The following ATP8B4 variants were observed in gnomAD, a reference collection of about 807,000 sequenced individuals.
The protein encoded by ATP8B4 is probable phospholipid-transporting ATPase IM.
In ATP8B4, 133 loss-of-function variants were observed where a neutral mutation model predicts 145.6. The observed-to-expected ratio is 0.91, with a 90% CI of 0.79 to 1.05. The LOEUF is 1.05. Among genes scored for constraint, ATP8B4 ranks in the 50% least tolerant of loss-of-function variants. The pLI, the probability that ATP8B4 is intolerant of heterozygous loss-of-function variation, is 0.00. For missense variants in ATP8B4, 1,458 were observed against 1,425.2 expected (o/e 1.02, Z -0.37); for synonymous variants, 507 against 492.9 (o/e 1.03, Z -0.38).
At chr15:50,135,345 T>C (rs969960925) in intron 1 of ATP8B4, among the ~76,000 whole-genome samples, 1 of 152,190 alleles carries the variant, frequency 6.6e-6, no homozygotes, top group African/African-American at 2.4e-5. Flanking sequence ...TTTTTCCATA[T>C]TGCTCTCAAT....
chr15:49,906,203 T>A (rs1197141104), intron 20 of ATP8B4, among the ~76,000 whole-genome samples: 1 of 152,220 alleles, frequency 6.6e-6, no homozygotes, highest in Non-Finnish European at 1.5e-5. Context: ...CATAAATCAA[T>A]AGAGCAATAA....
chr15:49,967,733 A>G (rs972765549), intron 13 of ATP8B4, among the ~76,000 whole-genome samples: 4 of 152,240 alleles, frequency 2.6e-5, no homozygotes, highest in African/African-American at 9.6e-5. Context: ...TCCCCAACCT[A>G]GTGAGGCAGG....
At chr15:50,050,025 CCTTT>C (rs2153611642) in intron 3 of ATP8B4, among the ~76,000 whole-genome samples, 1 of 152,204 alleles carries the variant, frequency 6.6e-6, no homozygotes, top group Admixed American at 6.5e-5. Context: ...AAGTCTAAGG[CCTTT>C]CTATGTTGAT....
At chr15:49,867,603 A>G (rs2033014793) in intron 25 of ATP8B4, among the ~76,000 whole-genome samples, 1 of 152,192 alleles carries the variant, frequency 6.6e-6, no homozygotes, top group African/African-American at 2.4e-5. Context: ...TAACACTCTC[A>G]AGAGTCAACG....
chr15:50,019,980 TGAA>T (rs1247211353), intron 6 of ATP8B4, among the ~76,000 whole-genome samples: 1 of 148,564 alleles, frequency 6.7e-6, no homozygotes, highest in African/African-American at 2.5e-5. Context: ...TTTTTTTTTT[TGAA>T]ACAGGGTCTC....
At chr15:50,004,569 C>T (rs550724318) in intron 7 of ATP8B4, among the ~76,000 whole-genome samples, 5 of 152,268 alleles carry the variant, frequency 3.3e-5, no homozygotes, top group South Asian at 4.1e-4. Context: ...TTCCAAATAA[C>T]GTAGCTGATA....
intron 6 of ATP8B4, among the ~76,000 whole-genome samples, chr15:50,014,729 T>C (rs2048962823): frequency 6.6e-6 from 1 of 152,222 alleles, no homozygotes; most frequent in Non-Finnish European, 1.5e-5. Flanking sequence ...ATTTGCTACA[T>C]CTGGCAACAC....
At chr15:49,919,698 T>C (rs972006150) in intron 18 of ATP8B4, among the ~76,000 whole-genome samples, 1 of 152,104 alleles carries the variant, frequency 6.6e-6, no homozygotes, top group Non-Finnish European at 1.5e-5. Flanking sequence ...ATTACAGGTG[T>C]GAGCCACCGC....
At chr15:50,112,174 G>A (rs1159633362) in intron 1 of ATP8B4, among the ~76,000 whole-genome samples, 1 of 152,072 alleles carries the variant, frequency 6.6e-6, no homozygotes, top group Non-Finnish European at 1.5e-5. Context: ...AGGAATTAGA[G>A]GAGATTGGAA....
chr15:50,056,579 G>A (rs1482677319), intron 3 of ATP8B4, among the ~76,000 whole-genome samples: 4 of 151,996 alleles, frequency 2.6e-5, no homozygotes, highest in Non-Finnish European at 1.5e-5. Context: ...CTCGTTTCCT[G>A]GGTGCCCAAA....
chr15:49,988,319 A>T (rs530140242), intron 9 of ATP8B4, among the ~76,000 whole-genome samples: 28 of 152,316 alleles, frequency 1.8e-4, no homozygotes, highest in African/African-American at 6.7e-4. Flanking sequence ...ACCACAAATA[A>T]TCTTTCACGG....
upstream of ATP8B4, among the ~76,000 whole-genome samples, chr15:50,121,313 T>C (rs887208018): frequency 6.6e-6 from 1 of 151,292 alleles, no homozygotes; most frequent in African/African-American, 2.4e-5. Flanking sequence ...ACAGAAAGAG[T>C]AGAGGCTACC....
intron 6 of ATP8B4, among the ~76,000 whole-genome samples, chr15:50,019,976 T>G (rs1250439154): frequency 6.6e-6 from 1 of 151,968 alleles, no homozygotes; most frequent in Non-Finnish European, 1.5e-5. Flanking sequence ...GACTTTTTTT[T>G]TTTTGAAACA....
At chr15:50,049,125 T>C (rs575981435) in intron 3 of ATP8B4, among the ~76,000 whole-genome samples, 1 of 152,324 alleles carries the variant, frequency 6.6e-6, no homozygotes, top group East Asian at 1.9e-4. Flanking sequence ...GTGTACCCAT[T>C]TTTCCTACAA....
intron 3 of ATP8B4, among the ~76,000 whole-genome samples, chr15:50,062,079 T>C (rs1432688121): frequency 2.6e-5 from 4 of 152,168 alleles, no homozygotes; most frequent in Non-Finnish European, 4.4e-5. Context: ...GTCTAGAGCA[T>C]TTAACAAAGT....
At chr15:49,931,757 G>A (rs902707176) in intron 15 of ATP8B4, among the ~76,000 whole-genome samples, 1 of 151,888 alleles carries the variant, frequency 6.6e-6, no homozygotes. Flanking sequence ...ACTGAAAGAG[G>A]TTACATGAGT....
At chr15:49,936,921 AT>A (rs1040943002) in intron 14 of ATP8B4, among the ~76,000 whole-genome samples, 70 of 145,182 alleles carry the variant, frequency 4.8e-4, no homozygotes, top group Middle Eastern at 3.6e-3. Context: ...GTTTGTCAAG[AT>A]TTTTTTTTTT....
At chr15:49,874,346 G>A (rs939391203) in intron 25 of ATP8B4, among the ~76,000 whole-genome samples, 3 of 152,198 alleles carry the variant, frequency 2.0e-5, no homozygotes, top group South Asian at 2.1e-4. Context: ...GAGGGAAACT[G>A]AGAGAAGAAT....
intron 3 of ATP8B4, among the ~76,000 whole-genome samples, chr15:50,073,015 T>TACACAC (rs1471738032): frequency 6.1e-4 from 22 of 35,872 alleles, no homozygotes; most frequent in East Asian, 3.2e-3. Context: ...TATATATATA[T>TACACAC]ATATACACAC....
Sources: gnomAD v4.1 joint callset for allele counts (sites outside exome capture counted in the v4.1 genomes callset) on GRCh38, gnomAD v4.1.1 for gene constraint, MANE v1.5 for transcripts, NCBI Gene and HGNC (gene_info 2026-07-23, HGNC 2026-07-21) for gene names.